The following ZNF804A variants were observed in gnomAD, a reference collection of about 807,000 sequenced individuals.
ZNF804A encodes zinc finger protein 804A.
Under a neutral mutation model 16.5 loss-of-function variants are expected in ZNF804A, and 2 were observed. That is an observed-to-expected ratio of 0.12 (90% CI 0.05 to 0.38). The LOEUF (loss-of-function observed/expected upper bound fraction) is 0.38. Among genes scored for constraint, ZNF804A ranks in the 10% least tolerant of loss-of-function variants. ZNF804A has a pLI of 0.99. For missense variants in ZNF804A, 1,473 were observed against 1,390.7 expected (o/e 1.06, Z -0.94); for synonymous variants, 534 against 489.6 (o/e 1.09, Z -1.20).
At chr2:184,918,612 T>G (rs577550489) in intron 2 of ZNF804A, among the ~76,000 whole-genome samples, 1 of 152,156 alleles carries the variant, frequency 6.6e-6, no homozygotes, top group Admixed American at 6.6e-5. Context: ...TTGGGGTGGA[T>G]GAGGGTAATC....
intron 1 of ZNF804A, among the ~76,000 whole-genome samples, chr2:184,683,196 T>A (rs1692570734): frequency 6.6e-6 from 1 of 152,224 alleles, no homozygotes; most frequent in Non-Finnish European, 1.5e-5. Flanking sequence ...TATGTGTAAT[T>A]CAGTACAATG....
At chr2:184,754,115 A>G (rs1693918164) in intron 1 of ZNF804A, among the ~76,000 whole-genome samples, 1 of 151,742 alleles carries the variant, frequency 6.6e-6, no homozygotes, top group Non-Finnish European at 1.5e-5. Flanking sequence ...CATAAGTTTG[A>G]TCAGTTAAGA....
At chr2:184,609,665 C>T (rs1475431662) in intron 1 of ZNF804A, among the ~76,000 whole-genome samples, 2 of 152,164 alleles carry the variant, frequency 1.3e-5, no homozygotes, top group Admixed American at 6.5e-5. Flanking sequence ...ACATGATGGA[C>T]GACAGAGAGG....
chr2:184,903,245 A>T (rs1363560683), intron 2 of ZNF804A, among the ~76,000 whole-genome samples: 1 of 152,194 alleles, frequency 6.6e-6, no homozygotes, highest in Non-Finnish European at 1.5e-5. Flanking sequence ...TATAGAATAA[A>T]GATTACTTCA....
chr2:184,713,085 C>T (rs561963748), intron 1 of ZNF804A, among the ~76,000 whole-genome samples: 3 of 151,376 alleles, frequency 2.0e-5, no homozygotes, highest in Admixed American at 6.6e-5. Context: ...TCTTTTTGTT[C>T]CTTGTGGCTT....
chr2:184,695,451 C>G (rs542972740), intron 1 of ZNF804A, among the ~76,000 whole-genome samples: 1 of 115,852 alleles, frequency 8.6e-6, no homozygotes, highest in South Asian at 2.7e-4. Context: ...GGCGACAGAG[C>G]GAGACTCCGT....
intron 2 of ZNF804A, among the ~76,000 whole-genome samples, chr2:184,897,681 C>G (rs760565931): frequency 3.3e-5 from 5 of 152,072 alleles, no homozygotes; most frequent in Non-Finnish European, 7.4e-5. Context: ...TCATCTTATA[C>G]TTTGGTTTGC....
intron 1 of ZNF804A, among the ~76,000 whole-genome samples, chr2:184,723,235 A>G (rs1271889445): frequency 6.6e-6 from 1 of 151,874 alleles, no homozygotes; most frequent in Admixed American, 6.6e-5. Flanking sequence ...AAGTAGAGAA[A>G]GGTTTATATG....
At chr2:184,837,617 A>T (rs955664749) in intron 1 of ZNF804A, among the ~76,000 whole-genome samples, 2 of 152,194 alleles carry the variant, frequency 1.3e-5, no homozygotes, top group Non-Finnish European at 2.9e-5. Context: ...ACTTTTTTAC[A>T]GAAATATTTA....
chr2:184,781,515 C>G (rs1448338109), intron 1 of ZNF804A, among the ~76,000 whole-genome samples: 3 of 151,668 alleles, frequency 2.0e-5, no homozygotes, highest in Non-Finnish European at 4.4e-5. Flanking sequence ...GGTTTAAGTA[C>G]TTATTCTACT....
At chr2:184,932,164 C>T (rs1685712811) in intron 2 of ZNF804A, among the ~76,000 whole-genome samples, 1 of 152,116 alleles carries the variant, frequency 6.6e-6, no homozygotes, top group Non-Finnish European at 1.5e-5. Context: ...GTCTTCTAAG[C>T]CCTCCACACT....
rs1323587041 is a variant in ZNF804A, at chr2:184,866,382, A to G, written c.125A>G (p.Lys42Arg). ...TTTATTTTTCAGGACTATGCTGAGA[A>G]GGAAAATACCATAGCAAAAGCTCTG... Reference protein sequence around the residue: ...NGNKTLDYAEKENTIAKALED... With the variant: ...NGNKTLDYAERENTIAKALED... The change falls in exon 2 of 4, where the codon AAG (lysine) becomes AGG (arginine). Residue 42 changes from lysine (K) to arginine (R), a missense_variant. Transcript: ENST00000302277. The G allele has an allele frequency of 6.2e-7, 1 of 1,613,228 alleles. No individual in the cohort carries two copies. The highest frequency in any genetic ancestry group is 1.1e-5 in the South Asian group (1 of 91,058).
intron 1 of ZNF804A, among the ~76,000 whole-genome samples, chr2:184,719,994 G>T (rs1693281189): frequency 6.6e-6 from 1 of 152,158 alleles, no homozygotes; most frequent in Non-Finnish European, 1.5e-5. Context: ...CCAAGACTGG[G>T]CAGTTTAGGA....
intron 1 of ZNF804A, among the ~76,000 whole-genome samples, chr2:184,835,572 A>G (rs1474067944): frequency 1.3e-5 from 2 of 151,918 alleles, no homozygotes; most frequent in East Asian, 3.9e-4. Flanking sequence ...CTGCCTCCAG[A>G]GTCAAGTCCC....
chr2:184,875,725 C>G (rs909847901), intron 2 of ZNF804A, among the ~76,000 whole-genome samples: 4 of 146,716 alleles, frequency 2.7e-5, no homozygotes, highest in East Asian at 2.0e-4. Flanking sequence ...TAAAATAGTT[C>G]TCAGTAAAGG....
At chr2:184,904,356 C>T (rs1396153723) in intron 2 of ZNF804A, among the ~76,000 whole-genome samples, 1 of 152,028 alleles carries the variant, frequency 6.6e-6, no homozygotes, top group Non-Finnish European at 1.5e-5. Context: ...AATGAGGGCT[C>T]TGAACAAAGC....
At chr2:184,618,295 G>A (rs1691359439) in intron 1 of ZNF804A, among the ~76,000 whole-genome samples, 1 of 151,826 alleles carries the variant, frequency 6.6e-6, no homozygotes, top group African/African-American at 2.4e-5. Context: ...TGGCATTATT[G>A]CCTATTTATT....
intron 1 of ZNF804A, among the ~76,000 whole-genome samples, chr2:184,749,015 A>G (rs752590477): frequency 2.0e-5 from 3 of 151,604 alleles, no homozygotes; most frequent in Non-Finnish European, 4.4e-5. Flanking sequence ...GAAATCAGGT[A>G]GTGTGATGCT....
rs530774564 is a variant in ZNF804A at position 184,847,195 on chromosome 2, T to C, written c.112-19174T>C. Among the ~76,000 whole-genome samples the C allele has an allele frequency of 2.0e-5, 3 of 152,250 alleles. No individual in the cohort carries two copies. In the East Asian group the frequency reaches 5.8e-4, roughly 29 times the overall value. On this transcript the variant is annotated intron_variant, in intron 1 of 3. Transcript: ENST00000302277. ...CTCGCCAGAGGAATCTATAGAGATA[T>C]GATATTCAATACACAGCCTTTTTAG...
Sources: allele counts gnomAD v4.1 joint callset (sites outside exome capture counted in the v4.1 genomes callset), GRCh38; gene constraint gnomAD v4.1.1; transcripts MANE v1.5; gene names NCBI Gene and HGNC (gene_info 2026-07-23, HGNC 2026-07-21).